The following NTSR1 variants were observed in gnomAD, a reference collection of about 807,000 sequenced individuals.
The protein encoded by NTSR1 is neurotensin receptor 1.
In NTSR1, 29 loss-of-function variants were observed where a neutral mutation model predicts 31.2. That is an observed-to-expected ratio of 0.93 (90% CI 0.69 to 1.27). The LOEUF is 1.27. Among genes scored for constraint, NTSR1 ranks in the 50% most tolerant of loss-of-function variants. The pLI is 0.00. For synonymous variants in NTSR1, 282 were observed against 269.9 expected (o/e 1.04, Z -0.44); for missense variants, 697 against 595.4 (o/e 1.17, Z -1.78).
intron 1 of NTSR1, among the ~76,000 whole-genome samples, chr20:62,735,605 G>T (rs1318398762): frequency 6.6e-6 from 1 of 152,182 alleles, no homozygotes; most frequent in Non-Finnish European, 1.5e-5. Flanking sequence ...TCAGAGAGAG[G>T]CGTCCCAGCC....
Position 62,758,913 on chromosome 20 carries a change from A to C in NTSR1, c.1007+557A>C, listed in dbSNP as rs909109300. Among the ~76,000 whole-genome samples, 1 of 152,186 alleles carries C rather than the reference A, an allele frequency of 6.6e-6. No individual in the cohort carries two copies. Among genetic ancestry groups the C allele is most frequent in the African/African-American group, 2.4e-5 (1 of 41,442 alleles). ...TCACAGGACGATATGGGGGCCGATC[A>C]CAGGGGCACCCACTGCCTGGCAAAA... is the stretch of plus-strand genomic sequence containing the variant. On this transcript the variant is annotated intron_variant, in intron 3 of 3. Coordinates refer to ENST00000370501, the MANE Select transcript of NTSR1 (RefSeq NM_002531.3). The surrounding 1 kb of genome is among the most constrained non-coding windows in gnomAD (Gnocchi z 4.5).
At chr20:62,728,047 C>T (rs1298892041) in intron 1 of NTSR1, among the ~76,000 whole-genome samples, 1 of 152,234 alleles carries the variant, frequency 6.6e-6, no homozygotes, top group East Asian at 1.9e-4. Flanking sequence ...CTAGGCCCGG[C>T]CCCATCATCT....
At chr20:62,727,870 T>TC (rs1463241433) in intron 1 of NTSR1, among the ~76,000 whole-genome samples, 3 of 152,180 alleles carry the variant, frequency 2.0e-5, no homozygotes, top group Non-Finnish European at 4.4e-5. Context: ...TGGGGCCAAG[T>TC]GGGCAAAGGG....
At chr20:62,746,603 A>C (rs1989305014) in intron 1 of NTSR1, among the ~76,000 whole-genome samples, 2 of 152,254 alleles carry the variant, frequency 1.3e-5, no homozygotes, top group Admixed American at 1.3e-4. Context: ...ACAAGATGCC[A>C]CAGAAATCAA....
intron 1 of NTSR1, among the ~76,000 whole-genome samples, chr20:62,726,820 C>T (rs933878193): frequency 6.6e-6 from 1 of 152,184 alleles, no homozygotes; most frequent in African/African-American, 2.4e-5. Flanking sequence ...TGGCCCCGGC[C>T]GCGTTAGTGG....
At chr20:62,710,602 T>C (rs1303285753) in intron 1 of NTSR1, among the ~76,000 whole-genome samples, 1 of 151,722 alleles carries the variant, frequency 6.6e-6, no homozygotes, top group Non-Finnish European at 1.5e-5. Flanking sequence ...GGCGGCGGTG[T>C]TGTGGTGAGG....
intron 2 of NTSR1, among the ~76,000 whole-genome samples, chr20:62,755,293 A>C (rs542658286): frequency 1.2e-5 from 1 of 86,074 alleles, no homozygotes; most frequent in Non-Finnish European, 2.5e-5. Context: ...CCTTCCCTCC[A>C]TTCATTCCTC....
chr20:62,712,605 G>A (rs1276196210), intron 1 of NTSR1, among the ~76,000 whole-genome samples: 1 of 152,226 alleles, frequency 6.6e-6, no homozygotes, highest in Non-Finnish European at 1.5e-5. Context: ...GACAGGACCT[G>A]GTGCCCAGGA....
At chr20:62,725,603 C>T (rs1988893042) in intron 1 of NTSR1, among the ~76,000 whole-genome samples, 1 of 152,230 alleles carries the variant, frequency 6.6e-6, no homozygotes, top group Non-Finnish European at 1.5e-5. Context: ...GCCTCATCTG[C>T]TGTCCCTGAG....
rs558963236 is a variant in NTSR1 at position 62,727,227 on chromosome 20, G to A, written c.714+17306G>A. ...CCCACCCTGAGCCGGGCTCCTGCAG[G>A]CTCCCCGGCCCCACAGACCTGTCAC... On this transcript the variant is annotated intron_variant, in intron 1 of 3. Coordinates refer to ENST00000370501, the MANE Select transcript of NTSR1 (RefSeq NM_002531.3). Among the ~76,000 whole-genome samples the A allele has an allele frequency of 2.6e-5, 4 of 152,286 alleles. No homozygotes were observed. The East Asian group carries it at 5.8e-4, about 22-fold the overall frequency.
intron 1 of NTSR1, among the ~76,000 whole-genome samples, chr20:62,729,655 G>A (rs868108772): frequency 1.8e-3 from 254 of 143,008 alleles, no homozygotes; most frequent in African/African-American, 6.1e-3. Context: ...TTTTGAGATG[G>A]AGTCTCGCTC....
Position 62,758,388 on chromosome 20 carries a change from G to A in NTSR1, c.1007+32G>A. On this transcript the variant is annotated intron_variant, in intron 3 of 3. Transcript: ENST00000370501. This position sits in a 1 kb window ranked among gnomAD's most constrained non-coding sequence, Gnocchi z 4.5. ...ACCGGGAACCAGGAAGTTGGGTGCT[G>A]GACAAGTAAGTGCTCCCAAAACAGA... The A allele has an allele frequency of 6.3e-7, 1 of 1,582,954 alleles. No individual in the cohort carries two copies. Among genetic ancestry groups the A allele is most frequent in the Non-Finnish European group, 8.7e-7 (1 of 1,152,834 alleles).
intron 1 of NTSR1, among the ~76,000 whole-genome samples, chr20:62,734,307 A>G (rs1568702495): frequency 6.6e-6 from 1 of 151,850 alleles, no homozygotes; most frequent in Non-Finnish European, 1.5e-5. Flanking sequence ...CCGCAAAAAA[A>G]AAAAAAAATC....
In NTSR1 at chr20:62,758,480, A is replaced by C; in HGVS notation, c.1007+124A>C. ...CAGGGGTGTGGTGAGTCCCCCGGCG[A>C]CCCCCTGGGCAGGGTTGTGCTGTGA... On this transcript the variant is annotated intron_variant, in intron 3 of 3. Coordinates refer to ENST00000370501, the MANE Select transcript of NTSR1 (RefSeq NM_002531.3). The surrounding 1 kb of genome is among the most constrained non-coding windows in gnomAD (Gnocchi z 4.5). 1.2e-6 allele frequency: 1 copy of C among 830,088 alleles called. No homozygotes were observed. Among genetic ancestry groups the C allele is most frequent in the Non-Finnish European group, 1.9e-6 (1 of 515,644 alleles). The allele number at this position is 830,088 out of a possible 1,614,324, so 51.4% of individuals were successfully genotyped here. A position where few individuals can be genotyped will look rare whatever the true frequency, so the allele number is the denominator to read the frequency against.
chr20:62,728,773 C>T (rs750384371), intron 1 of NTSR1, among the ~76,000 whole-genome samples: 2 of 152,180 alleles, frequency 1.3e-5, no homozygotes, highest in African/African-American at 2.4e-5. Flanking sequence ...GCCAGAGGCA[C>T]GTCCACCAGG....
At position 62,743,905 on chromosome 20, in the gene NTSR1, G is replaced by A. The variant is rs1989248861; in HGVS notation, c.715-10780G>A. ...GCTGTCTGGCTGTGCCCTCACCTGT[G>A]GGCAGGCATACCGTGTGCACCCCTC... is the stretch of plus-strand genomic sequence containing the variant. On this transcript the variant is annotated intron_variant, in intron 1 of 3. Transcript: ENST00000370501. The surrounding 1 kb of genome is among the most constrained non-coding windows in gnomAD (Gnocchi z 7.5). Among the ~76,000 whole-genome samples the A allele has an allele frequency of 6.6e-6, 1 of 152,166 alleles. No homozygotes were observed. The highest frequency in any genetic ancestry group is 6.5e-5 in the Admixed American group (1 of 15,280).
intron 1 of NTSR1, among the ~76,000 whole-genome samples, chr20:62,748,359 G>C (rs919322466): frequency 6.6e-6 from 1 of 151,960 alleles, no homozygotes; most frequent in Non-Finnish European, 1.5e-5. Context: ...ACTACCCAAA[G>C]TGATCTACAG....
chr20:62,736,724 G>A (rs1009414222), intron 1 of NTSR1, among the ~76,000 whole-genome samples: 1 of 152,218 alleles, frequency 6.6e-6, no homozygotes, highest in African/African-American at 2.4e-5. Flanking sequence ...CAGGGCCCAG[G>A]CCACATGCAC....
rs754560333 is a variant in NTSR1, at chr20:62,760,120, C to A, written c.1110C>A (p.Asn370Lys). The change falls in exon 4 of 4, where the codon AAC (asparagine) becomes AAA (lysine). Residue 370 changes from asparagine (N) to lysine (K), a missense_variant. Physicochemically the swap from Asn to Lys is moderately conservative, Grantham distance 94. Transcript: ENST00000370501. ...NPILYNLVSA[N>K]FRHIFLATLA... ...TCCTGTACAACCTCGTCTCTGCCAA[C>A]TTCCGCCACATCTTCCTGGCCACAC... 1.2e-6 allele frequency: 2 copies of A among 1,614,208 alleles called. No homozygotes were observed. The highest frequency in any genetic ancestry group is 1.6e-4 in the Middle Eastern group (1 of 6,062).
Sources: gnomAD v4.1 joint callset for allele counts (sites outside exome capture counted in the v4.1 genomes callset) on GRCh38, gnomAD v4.1.1 for gene constraint, Gnocchi (gnomAD v3.1) non-coding constraint, MANE v1.5 for transcripts, NCBI Gene and HGNC (gene_info 2026-07-23, HGNC 2026-07-21) for gene names.